Variants in TPRG1 observed in about 807,000 individuals in gnomAD.
TPRG1 encodes tumor protein p63 regulated 1.
Under a neutral mutation model 29.3 loss-of-function variants are expected in TPRG1, and 29 were observed. That is an observed-to-expected ratio of 0.99 (90% CI 0.74 to 1.35). The LOEUF (loss-of-function observed/expected upper bound fraction) is 1.35, where lower values mean the gene tolerates loss of function less well. Ranked by LOEUF, TPRG1 falls within the 40% of genes most tolerant of loss-of-function variation. The probability of loss-of-function intolerance (pLI) is 0.00; values close to 1 mark genes in which losing one functional copy is unlikely to be tolerated. For missense variants in TPRG1, 327 were observed against 335.0 expected (o/e 0.98, Z 0.19); for synonymous variants, 130 against 116.8 (o/e 1.11, Z -0.73).
chr3:189,285,803 C>A (rs1394453736), intron 4 of TPRG1, among the ~76,000 whole-genome samples: 1 of 152,210 alleles, frequency 6.6e-6, no homozygotes, highest in Non-Finnish European at 1.5e-5. Context: ...GACTCCAAAG[C>A]CTGTGATTTT....
chr3:189,157,650 G>A (rs990428288), intron 5 of TPRG1, among the ~76,000 whole-genome samples: 5 of 152,296 alleles, frequency 3.3e-5, no homozygotes, highest in South Asian at 2.1e-4. Flanking sequence ...TTAAGGGAGC[G>A]TAGCAAGCAT....
chr3:189,267,150 T>G (rs1714245851), intron 4 of TPRG1, among the ~76,000 whole-genome samples: 1 of 152,220 alleles, frequency 6.6e-6, no homozygotes, highest in Non-Finnish European at 1.5e-5. Context: ...CTTACCACTG[T>G]GTTATAATTG....
chr3:189,289,737 T>G (rs1398734927), intron 4 of TPRG1, among the ~76,000 whole-genome samples: 1 of 152,236 alleles, frequency 6.6e-6, no homozygotes, highest in South Asian at 2.1e-4. Flanking sequence ...TCTTTCAATC[T>G]ATTCAACTTA....
In TPRG1 at chr3:189,088,280, T is replaced by C. The variant is rs548793357; in HGVS notation, c.-462-38777T>C. On this transcript the variant is annotated intron_variant, in intron 4 of 10. Coordinates refer to the TPRG1 transcript ENST00000433971. ...CTTTGAAGCAATTGTGAATGGGAGTTCACTCATGATTTGGCTCTCTGTTTG... is the reference window on the plus strand; with the variant it reads ...CTTTGAAGCAATTGTGAATGGGAGTCCACTCATGATTTGGCTCTCTGTTTG... Among the ~76,000 whole-genome samples, 6 of 151,680 alleles carry C rather than the reference T, an allele frequency of 4.0e-5. No individual in the cohort carries two copies. The South Asian group carries it at 1.2e-3, about 31-fold the overall frequency.
intron 1 of TPRG1, among the ~76,000 whole-genome samples, chr3:189,196,538 G>A (rs1732555340): frequency 6.6e-6 from 1 of 152,058 alleles, no homozygotes; most frequent in African/African-American, 2.4e-5. Context: ...GGCATGTGCA[G>A]GGAAACTCCC....
chr3:189,283,042 G>A (rs561370409), intron 4 of TPRG1, among the ~76,000 whole-genome samples: 41 of 152,212 alleles, frequency 2.7e-4, no homozygotes, highest in East Asian at 2.1e-3. Context: ...TATCATTACC[G>A]AGTAAACCAT....
At chr3:189,310,328 A>T (rs1429447602) in intron 4 of TPRG1, 58 bp from the exon 5 acceptor site, 50 of 1,198,154 alleles carry the variant, frequency 4.2e-5, no homozygotes, top group Admixed American at 1.0e-4. Context: ...ATTACATTCT[A>T]TTTTTTTTTT....
intron 1 of TPRG1, among the ~76,000 whole-genome samples, chr3:189,122,304 G>A (rs763074381): frequency 6.6e-6 from 1 of 152,138 alleles, no homozygotes; most frequent in Non-Finnish European, 1.5e-5. Context: ...AGGTCAGAAT[G>A]ATCTCCACAA....
At position 189,188,374 on chromosome 3, in the gene TPRG1, C is replaced by T. The variant is rs184068506; in HGVS notation, c.-10+16243C>T. ...AAGAGTAAAGGTGGAAAATATTTTA[C>T]TCTGTTTTGTTTCAGACCAGCATTT... On this transcript the variant is annotated intron_variant, in intron 1 of 5. Transcript: ENST00000345063. 5.2e-3 allele frequency among the ~76,000 whole-genome samples: 788 copies of T among 152,284 alleles called. 2 individuals carry two copies. The highest frequency in any genetic ancestry group is 0.01 in the Middle Eastern group (3 of 294).
rs1306856630 is a variant in TPRG1 at position 189,207,612 on chromosome 3, C to G, written c.210+18C>G. The G allele has an allele frequency of 6.2e-7, 1 of 1,609,862 alleles. No homozygotes were observed. Among genetic ancestry groups the G allele is most frequent in the Non-Finnish European group, 8.5e-7 (1 of 1,177,016 alleles). On this transcript the variant is annotated intron_variant, in intron 2 of 5. Coordinates refer to ENST00000345063, the MANE Select transcript of TPRG1 (RefSeq NM_198485.4). ...CTACACGGGTAAATTTATTGGTTCT[C>G]TTAAATACTATATAAAAATTCACCC...
intron 1 of TPRG1, among the ~76,000 whole-genome samples, chr3:189,175,307 A>G (rs952126591): frequency 2.0e-5 from 3 of 152,240 alleles, no homozygotes; most frequent in Non-Finnish European, 4.4e-5. Flanking sequence ...GTTTTCAACA[A>G]GAGAAGAGTT....
intron 5 of TPRG1, among the ~76,000 whole-genome samples, chr3:189,163,328 T>A (rs948621611): frequency 6.6e-6 from 1 of 152,134 alleles, no homozygotes; most frequent in African/African-American, 2.4e-5. Flanking sequence ...CTCTGACTAT[T>A]TCTCTCTGAG....
rs114472654 is a variant in TPRG1, at chr3:189,002,678, G to A, written c.-878+1767G>A. On this transcript the variant is annotated intron_variant, in intron 2 of 10. Coordinates refer to the TPRG1 transcript ENST00000433971. ...CTCCATGTTGATAAATTACCCGAAG[G>A]AATTTTATGAATCTACATCTTTTAT... 8.6e-3 allele frequency among the ~76,000 whole-genome samples: 1,309 copies of A among 152,160 alleles called. 11 individuals are homozygous for A. The highest frequency in any genetic ancestry group is 0.013 in the Non-Finnish European group (883 of 68,004).
In TPRG1 at chr3:189,142,766, G is replaced by A. The variant is rs187238834; in HGVS notation, c.-290-4818G>A. Among the ~76,000 whole-genome samples the A allele has an allele frequency of 5.3e-5, 8 of 152,322 alleles. No homozygotes were observed. In the East Asian group the frequency reaches 1.5e-3, roughly 29 times the overall value. On this transcript the variant is annotated intron_variant, in intron 3 of 6. Transcript: ENST00000412373. ...CTGCCAGTTGGCCATCTCTTACTGA[G>A]ATCACAGAAACCAGAGGCTTGTGAG...
At chr3:189,202,222 G>T (rs1363367898) in intron 1 of TPRG1, among the ~76,000 whole-genome samples, 2 of 152,180 alleles carry the variant, frequency 1.3e-5, no homozygotes, top group African/African-American at 4.8e-5. Flanking sequence ...TTAAGATCAT[G>T]CGGTTTTTCT....
At chr3:189,273,054 C>T (rs1048532183) in intron 4 of TPRG1, among the ~76,000 whole-genome samples, 1 of 152,118 alleles carries the variant, frequency 6.6e-6, no homozygotes, top group African/African-American at 2.4e-5. Context: ...GCTTCCTGCT[C>T]GGCCTCTCTG....
chr3:189,246,143 A>T (rs936636833), intron 4 of TPRG1, among the ~76,000 whole-genome samples: 1 of 152,064 alleles, frequency 6.6e-6, no homozygotes, highest in African/African-American at 2.4e-5. Flanking sequence ...TTTTCTCTTG[A>T]TAGTGAATAA....
At chr3:189,060,984 C>T (rs1716068144) in intron 4 of TPRG1, among the ~76,000 whole-genome samples, 3 of 152,064 alleles carry the variant, frequency 2.0e-5, no homozygotes, top group Admixed American at 6.6e-5. Flanking sequence ...GCCTGAATAG[C>T]AAAGGCAATC....
At chr3:189,173,336 C>CT (rs1729060049) in intron 1 of TPRG1, among the ~76,000 whole-genome samples, 1 of 95,230 alleles carries the variant, frequency 1.1e-5, no homozygotes, top group African/African-American at 6.0e-5. Context: ...TCTTTCTTTT[C>CT]TTCTTCTTTT....
Sources: gnomAD v4.1 joint callset for allele counts (sites outside exome capture counted in the v4.1 genomes callset) on GRCh38, gnomAD v4.1.1 for gene constraint, MANE v1.5 for transcripts, NCBI Gene and HGNC (gene_info 2026-07-23, HGNC 2026-07-21) for gene names.